The following ZNRF3 variants were observed in gnomAD, a reference collection of about 807,000 sequenced individuals.
ZNRF3 encodes zinc and ring finger 3.
A neutral mutation model predicts 72.5 loss-of-function variants in ZNRF3; 23 were observed. The ratio of observed to expected loss-of-function variants is 0.32; its 90% CI spans 0.23 to 0.45. ZNRF3 has a LOEUF of 0.45. Ranked by LOEUF, ZNRF3 falls within the 20% of genes least tolerant of loss-of-function variation. ZNRF3 has a pLI of 1.00. For synonymous variants in ZNRF3, 610 were observed against 545.3 expected (o/e 1.12, Z -1.65); for missense variants, 1,169 against 1,272.1 (o/e 0.92, Z 1.23).
intron 2 of ZNRF3, among the ~76,000 whole-genome samples, chr22:29,012,567 T>G (rs2036364335): frequency 6.6e-6 from 1 of 152,180 alleles, no homozygotes; most frequent in South Asian, 2.1e-4. Flanking sequence ...ATACAATCAA[T>G]TTTAGATAGT....
At chr22:28,923,287 T>C (rs2034540474) in intron 1 of ZNRF3, among the ~76,000 whole-genome samples, 1 of 152,138 alleles carries the variant, frequency 6.6e-6, no homozygotes, top group African/African-American at 2.4e-5. Context: ...GATCCCCTGA[T>C]AGAGGTGCCG....
intron 1 of ZNRF3, among the ~76,000 whole-genome samples, chr22:28,977,487 T>C (rs2123818949): frequency 6.6e-6 from 1 of 152,300 alleles, no homozygotes; most frequent in East Asian, 1.9e-4. Flanking sequence ...TTCCTTTCTT[T>C]CACGTAAATT....
chr22:28,907,452 A>T (rs1025094357), intron 1 of ZNRF3, among the ~76,000 whole-genome samples: 26 of 152,074 alleles, frequency 1.7e-4, no homozygotes, highest in African/African-American at 6.3e-4. Context: ...TGAAAACTTT[A>T]TGGTCCTTGA....
chr22:28,944,962 T>TAAAA (rs1555971928), intron 1 of ZNRF3, among the ~76,000 whole-genome samples: 1 of 140,536 alleles, frequency 7.1e-6, no homozygotes, highest in African/African-American at 2.7e-5. Flanking sequence ...AATAAATAAA[T>TAAAA]AATAATAATA....
At position 29,054,272 on chromosome 22, in the gene ZNRF3, G is replaced by A. The variant is rs1601723442; in HGVS notation, c.*650G>A. On this transcript the variant is annotated 3_prime_UTR_variant, in exon 9 of 9. Coordinates refer to ENST00000544604, the MANE Select transcript of ZNRF3 (RefSeq NM_001206998.2). ...CCTCTCCAGCCCACGCCTTTAGGCAGGTGATGGCAGCAGCTAGGAATAGGG... is the reference window on the plus strand; with the variant it reads ...CCTCTCCAGCCCACGCCTTTAGGCAAGTGATGGCAGCAGCTAGGAATAGGG... 1 of 152,358 alleles carries A rather than the reference G, an allele frequency of 6.6e-6. No individual in the cohort carries two copies. The highest frequency in any genetic ancestry group is 1.5e-5 in the Non-Finnish European group (1 of 68,132). 9.4% of individuals were successfully genotyped at this position (152,358 alleles called of 1,614,324 possible). A position where few individuals can be genotyped will look rare whatever the true frequency, so the allele number is the denominator to read the frequency against.
intron 2 of ZNRF3, among the ~76,000 whole-genome samples, chr22:29,008,617 A>T (rs560918397): frequency 2.0e-4 from 30 of 152,166 alleles, no homozygotes; most frequent in Non-Finnish European, 3.8e-4. Flanking sequence ...CTTAATAGGG[A>T]GAGGGAGGAG....
At chr22:28,944,754 C>CAA (rs35578297) in intron 1 of ZNRF3, among the ~76,000 whole-genome samples, 170 of 88,198 alleles carry the variant, frequency 1.9e-3, no homozygotes, top group African/African-American at 7.0e-3. Flanking sequence ...GACTCCATCT[C>CAA]AAAAAAAAAA....
At chr22:28,908,727 A>C (rs2034259675) in intron 1 of ZNRF3, among the ~76,000 whole-genome samples, 1 of 152,176 alleles carries the variant, frequency 6.6e-6, no homozygotes. Context: ...TTTGCTAAAG[A>C]AAAAGAAGGC....
At chr22:28,955,411 AC>A (rs1341325588) in intron 1 of ZNRF3, among the ~76,000 whole-genome samples, 2 of 152,100 alleles carry the variant, frequency 1.3e-5, no homozygotes, top group Admixed American at 1.3e-4. Flanking sequence ...TGTTTTTCCA[AC>A]CCATGTTAAA....
chr22:28,911,072 C>T (rs981525672), intron 1 of ZNRF3, among the ~76,000 whole-genome samples: 6 of 152,256 alleles, frequency 3.9e-5, no homozygotes, highest in African/African-American at 1.4e-4. Context: ...CTTTCTGAGC[C>T]TCAGTCTCCA....
chr22:29,027,100 T>C (rs1249339403), intron 2 of ZNRF3: 1 of 152,176 alleles, frequency 6.6e-6, no homozygotes, highest in Non-Finnish European at 1.5e-5. Flanking sequence ...CTTAGCATCT[T>C]GGTCTGTGGT....
chr22:28,919,875 A>C (rs2034479110), intron 1 of ZNRF3, among the ~76,000 whole-genome samples: 1 of 152,148 alleles, frequency 6.6e-6, no homozygotes, highest in Admixed American at 6.5e-5. Context: ...TGTGCCCCAA[A>C]CCTGATCAGA....
intron 1 of ZNRF3, among the ~76,000 whole-genome samples, chr22:28,957,947 G>T (rs371776438): frequency 1.3e-5 from 2 of 152,032 alleles, no homozygotes; most frequent in East Asian, 3.9e-4. Context: ...CAGCACTTTG[G>T]GAGGCCGAGG....
chr22:28,952,746 G>C (rs142966345), intron 1 of ZNRF3, among the ~76,000 whole-genome samples: 37 of 152,286 alleles, frequency 2.4e-4, no homozygotes, highest in Admixed American at 2.3e-3. Flanking sequence ...GTTTGCGAAT[G>C]TATTTAAAAC....
chr22:28,890,541 A>G (rs1300655062), intron 1 of ZNRF3, among the ~76,000 whole-genome samples: 4 of 152,156 alleles, frequency 2.6e-5, no homozygotes, highest in African/African-American at 9.7e-5. Flanking sequence ...GGGTGTTTAT[A>G]TTCCAAGGCA....
chr22:28,948,704 G>T (rs947456271), intron 1 of ZNRF3, among the ~76,000 whole-genome samples: 3 of 152,154 alleles, frequency 2.0e-5, no homozygotes, highest in Non-Finnish European at 4.4e-5. Flanking sequence ...GTAATTATGA[G>T]TATTCTTTGA....
chr22:28,999,673 G>A (rs2123840582), intron 2 of ZNRF3, among the ~76,000 whole-genome samples: 1 of 152,258 alleles, frequency 6.6e-6, no homozygotes, highest in South Asian at 2.1e-4. Flanking sequence ...CACAACAGTG[G>A]GCAGTCACTC....
chr22:28,967,354 A>G (rs2035487919), intron 1 of ZNRF3, among the ~76,000 whole-genome samples: 1 of 152,130 alleles, frequency 6.6e-6, no homozygotes, highest in Non-Finnish European at 1.5e-5. Context: ...GTAGTACGCT[A>G]TTGCATCCAG....
At chr22:28,927,633 A>G (rs957887172) in intron 1 of ZNRF3, among the ~76,000 whole-genome samples, 4 of 152,206 alleles carry the variant, frequency 2.6e-5, no homozygotes, top group Non-Finnish European at 5.9e-5. Context: ...TAGAAGCAGC[A>G]TTCATCATCT....
Sources: gnomAD v4.1 joint callset for allele counts (sites outside exome capture counted in the v4.1 genomes callset) on GRCh38, gnomAD v4.1.1 for gene constraint, MANE v1.5 for transcripts, NCBI Gene and HGNC (gene_info 2026-07-23, HGNC 2026-07-21) for gene names.